C1GALT1: variants seen among roughly 807,000 people sequenced by gnomAD.
C1GALT1 encodes glycoprotein-N-acetylgalactosamine 3-beta-galactosyltransferase 1.
C1GALT1 carries 11 observed loss-of-function variants against 31.0 expected under a neutral mutation model. That is an observed-to-expected ratio of 0.36 (90% CI 0.22 to 0.59). C1GALT1 has a LOEUF of 0.59. C1GALT1 is among the 20% of genes least tolerant of loss of function. The probability of loss-of-function intolerance (pLI) is 0.79; values close to 1 mark genes in which losing one functional copy is unlikely to be tolerated. For missense variants in C1GALT1, 424 were observed against 425.2 expected (o/e 1.00, Z 0.03); for synonymous variants, 175 against 143.6 (o/e 1.22, Z -1.56).
intron 1 of C1GALT1, among the ~76,000 whole-genome samples, chr7:7,197,957 A>C (rs1477579004): frequency 6.6e-6 from 1 of 152,150 alleles, no homozygotes; most frequent in Non-Finnish European, 1.5e-5. Flanking sequence ...GGGTTTTCTA[A>C]ATACACAATC....
intron 1 of C1GALT1, among the ~76,000 whole-genome samples, chr7:7,207,890 C>G (rs982599834): frequency 1.3e-5 from 2 of 151,872 alleles, no homozygotes; most frequent in African/African-American, 4.8e-5. Flanking sequence ...GTGCCTTAAG[C>G]TGGATATGTA....
chr7:7,227,833 C>T (rs1782847781), intron 1 of C1GALT1, among the ~76,000 whole-genome samples: 1 of 152,154 alleles, frequency 6.6e-6, no homozygotes, highest in African/African-American at 2.4e-5. Flanking sequence ...GGAGAGTCCT[C>T]AACAGCAAGA....
chr7:7,216,603 G>A (rs1254951023), intron 1 of C1GALT1, among the ~76,000 whole-genome samples: 2 of 146,370 alleles, frequency 1.4e-5, no homozygotes, highest in Non-Finnish European at 1.5e-5. Context: ...ATGCTATAAA[G>A]CACTTACCCT....
At position 7,243,623 on chromosome 7, in the gene C1GALT1, G is replaced by A. The variant is rs1443310874; in HGVS notation, c.988G>A (p.Gly330Ser). 2 of 1,612,236 alleles carry A rather than the reference G, an allele frequency of 1.2e-6. No homozygotes were observed. Among genetic ancestry groups the A allele is most frequent in the East Asian group, 2.2e-5 (1 of 44,784 alleles). Residue 330 changes from glycine (G) to serine (S), a missense_variant, in exon 4 of 4, where the codon GGT becomes AGT. Around this residue, in one of 3 missense-constraint regions of C1GALT1, gnomAD observed 191 missense variants for 188.8 expected, o/e 1.01. Coordinates refer to ENST00000436587, the MANE Select transcript of C1GALT1 (RefSeq NM_020156.5). ...EYLVYHLRPY[G>S]YLYRYQPTLP... is the part of the protein sequence containing the mutation. ...CCTCGTTTATCATCTTCGTCCATAT[G>A]GTTATTTATACAGATATCAACCTAC...
intron 1 of C1GALT1, chr7:7,183,716 C>A: frequency 4.0e-6 from 2 of 502,410 alleles, no homozygotes; most frequent in Non-Finnish European, 5.1e-6. Context: ...GTATCAGCAA[C>A]AAAAAACCCA....
intron 1 of C1GALT1, among the ~76,000 whole-genome samples, chr7:7,185,502 C>G (rs140448029): frequency 1.3e-5 from 2 of 152,244 alleles, no homozygotes; most frequent in East Asian, 1.9e-4. Flanking sequence ...TCTCAAGGTT[C>G]GAGGGGAGAA....
At chr7:7,236,285 G>A (rs946157301) in intron 2 of C1GALT1, among the ~76,000 whole-genome samples, 1 of 152,090 alleles carries the variant, frequency 6.6e-6, no homozygotes, top group African/African-American at 2.4e-5. Flanking sequence ...ATTAGTGAAT[G>A]AAAAATTATT....
At chr7:7,222,263 A>T (rs34430393) in intron 1 of C1GALT1, among the ~76,000 whole-genome samples, 4 of 152,202 alleles carry the variant, frequency 2.6e-5, no homozygotes, top group Admixed American at 2.6e-4. Flanking sequence ...AATGTCATCA[A>T]ACTTTTATAT....
At chr7:7,233,191 C>T (rs1783169219) in intron 1 of C1GALT1, among the ~76,000 whole-genome samples, 1 of 152,028 alleles carries the variant, frequency 6.6e-6, no homozygotes, top group Non-Finnish European at 1.5e-5. Flanking sequence ...TCCCAGGTAC[C>T]CTACTTAATC....
chr7:7,195,764 G>T (rs1306686851), intron 1 of C1GALT1, among the ~76,000 whole-genome samples: 1 of 152,186 alleles, frequency 6.6e-6, no homozygotes, highest in Non-Finnish European at 1.5e-5. Context: ...GCCGTCAGTG[G>T]AGTATTAAAG....
chr7:7,221,587 A>T (rs779451416), intron 1 of C1GALT1, among the ~76,000 whole-genome samples: 1 of 152,250 alleles, frequency 6.6e-6, no homozygotes, highest in Non-Finnish European at 1.5e-5. Context: ...ATGTCTGTAC[A>T]AGTTGTTGGG....
At chr7:7,236,666 C>T (rs1254983253) in intron 2 of C1GALT1, among the ~76,000 whole-genome samples, 2 of 151,990 alleles carry the variant, frequency 1.3e-5, no homozygotes, top group Non-Finnish European at 2.9e-5. Flanking sequence ...GGATTACAGG[C>T]GCCCACCACT....
chr7:7,195,723 A>G (rs948042974), intron 1 of C1GALT1, among the ~76,000 whole-genome samples: 3 of 152,062 alleles, frequency 2.0e-5, no homozygotes, highest in Non-Finnish European at 4.4e-5. Flanking sequence ...TTGTATCTCT[A>G]TTGATTTTCT....
chr7:7,227,955 A>AT (rs1782876250), intron 1 of C1GALT1, among the ~76,000 whole-genome samples: 1 of 152,176 alleles, frequency 6.6e-6, no homozygotes, highest in Non-Finnish European at 1.5e-5. Context: ...TCTGTTATAA[A>AT]TACCAGAAAA....
intron 1 of C1GALT1, among the ~76,000 whole-genome samples, chr7:7,209,894 G>A (rs1781914241): frequency 6.6e-6 from 1 of 152,166 alleles, no homozygotes; most frequent in Admixed American, 6.5e-5. Flanking sequence ...ATAGGATTTG[G>A]GTAGGTAGTG....
chr7:7,233,063 A>G (rs540355251), intron 1 of C1GALT1, among the ~76,000 whole-genome samples: 33 of 152,286 alleles, frequency 2.2e-4, no homozygotes, highest in African/African-American at 7.9e-4. Context: ...GTTAAGACCA[A>G]TCTTTTAAGG....
At chr7:7,202,103 G>A (rs1381593859) in intron 1 of C1GALT1, among the ~76,000 whole-genome samples, 1 of 152,144 alleles carries the variant, frequency 6.6e-6, no homozygotes, top group East Asian at 1.9e-4. Flanking sequence ...TCCTTCTCTC[G>A]TGAATTGGCC....
chr7:7,238,340 A>G lies in C1GALT1; in HGVS notation c.306A>G (p.Lys102=). 2 of 1,614,126 alleles carry G rather than the reference A, an allele frequency of 1.2e-6. No homozygotes were observed. Among genetic ancestry groups the G allele is most frequent in the Admixed American group, 3.3e-5 (2 of 60,020 alleles). Residue 102 remains lysine (K), a synonymous_variant, in exon 3 of 4, where the codon AAA becomes AAG. Transcript: ENST00000436587. The surrounding 1 kb of genome is among the most constrained non-coding windows in gnomAD (Gnocchi z 5.2). ...TGACCGGCCCTCAAAACCTAGAGAA[A>G]AAGGCCAAACACGTCAAAGCTACTT... ...WVMTGPQNLE[K]KAKHVKATWA...
At chr7:7,198,014 G>A (rs1301765909) in intron 1 of C1GALT1, among the ~76,000 whole-genome samples, 1 of 152,060 alleles carries the variant, frequency 6.6e-6, no homozygotes, top group Non-Finnish European at 1.5e-5. Context: ...TTTCCTAATT[G>A]AATACTCTTT....
Sources: allele counts gnomAD v4.1 joint callset (sites outside exome capture counted in the v4.1 genomes callset), GRCh38; gene constraint gnomAD v4.1.1; regional missense constraint gnomAD v4.1.1; non-coding constraint Gnocchi (gnomAD v3.1); transcripts MANE v1.5; gene names NCBI Gene and HGNC (gene_info 2026-07-23, HGNC 2026-07-21).